The following BLTP3A variants were observed in gnomAD, a reference collection of about 807,000 sequenced individuals.
BLTP3A encodes the protein ICBP90 binding protein 1.
the BLTP3A span, chr6:34,871,769 T>A: frequency 1.2e-6 from 2 of 1,611,992 alleles, no homozygotes; most frequent in Non-Finnish European, 1.7e-6. Context: ...AGGAACTGTT[T>A]GGGAGTTGGC....
the BLTP3A span, among the ~76,000 whole-genome samples, chr6:34,860,618 T>C: frequency 2.0e-3 from 310 of 152,296 alleles, 2 homozygotes; most frequent in African/African-American, 7.1e-3. Context: ...TAAGTACTTA[T>C]AATATTGGTC....
At chr6:34,855,692 T>C in the BLTP3A span, 1 of 1,613,688 alleles carries the variant, frequency 6.2e-7, no homozygotes, top group Non-Finnish European at 8.5e-7. Context: ...TATTACCCTT[T>C]CCATTGGGCA....
the BLTP3A span, chr6:34,859,335 G>C: frequency 6.2e-7 from 1 of 1,613,828 alleles, no homozygotes; most frequent in Non-Finnish European, 8.5e-7. Flanking sequence ...CTGCATTGAA[G>C]CCCCCAGCTG....
At chr6:34,798,594 C>CTTTTGTTTTTTTTTTTTTTTTTTTTTTT in the BLTP3A span, among the ~76,000 whole-genome samples, 1 of 94,500 alleles carries the variant, frequency 1.1e-5, no homozygotes, top group African/African-American at 4.8e-5. Flanking sequence ...TTCTTTCTTT[C>CTTTTGTTTTTTTTTTTTTTTTTTTTTTT]TTTTTTTTTT....
chr6:34,841,479 C>T, the BLTP3A span, among the ~76,000 whole-genome samples: 1 of 152,140 alleles, frequency 6.6e-6, no homozygotes, highest in Non-Finnish European at 1.5e-5. Flanking sequence ...ATTAAAAGTT[C>T]ATTTTCATTT....
chr6:34,800,722 A>G, the BLTP3A span, among the ~76,000 whole-genome samples: 2 of 152,190 alleles, frequency 1.3e-5, no homozygotes, highest in East Asian at 1.9e-4. Context: ...ATAATAATAT[A>G]TCTTAGTAAA....
the BLTP3A span, among the ~76,000 whole-genome samples, chr6:34,831,081 A>C: frequency 6.6e-6 from 1 of 151,714 alleles, no homozygotes; most frequent in Non-Finnish European, 1.5e-5. Context: ...AATGTACTGC[A>C]GATATCTTCT....
At chr6:34,867,188 T>C in the BLTP3A span, 8 of 1,572,364 alleles carry the variant, frequency 5.1e-6, no homozygotes, top group South Asian at 8.3e-5. Context: ...ACAGAATATT[T>C]TGACTTTTAA....
At chr6:34,794,495 G>T in the BLTP3A span, among the ~76,000 whole-genome samples, 1 of 152,074 alleles carries the variant, frequency 6.6e-6, no homozygotes. Context: ...CCTTATCTCC[G>T]GAAAAATTCA....
the BLTP3A span, chr6:34,858,886 G>T: frequency 6.2e-7 from 1 of 1,614,176 alleles, no homozygotes; most frequent in African/African-American, 1.3e-5. Flanking sequence ...CCTGAAGGAG[G>T]TGCTGCAGAG....
At chr6:34,870,812 C>T in the BLTP3A span, 2 of 1,603,426 alleles carry the variant, frequency 1.2e-6, no homozygotes, top group Non-Finnish European at 1.7e-6. Flanking sequence ...AGAAGACTCC[C>T]TGGCCGTTAA....
chr6:34,871,592 C>T, the BLTP3A span: 2 of 1,611,560 alleles, frequency 1.2e-6, no homozygotes, highest in African/African-American at 1.3e-5. Context: ...AGGATGATAT[C>T]CCCCCCATCT....
At chr6:34,864,033 G>C in the BLTP3A span, 2 of 1,612,058 alleles carry the variant, frequency 1.2e-6, no homozygotes. Context: ...TGAGGGGGTG[G>C]CAGCCCCAGT....
chr6:34,798,078 C>G, the BLTP3A span, among the ~76,000 whole-genome samples: 1 of 152,162 alleles, frequency 6.6e-6, no homozygotes, highest in Non-Finnish European at 1.5e-5. Context: ...CAGTCATTAT[C>G]TCCACCAAAG....
chr6:34,793,015 G>A, the BLTP3A span, among the ~76,000 whole-genome samples: 3 of 152,232 alleles, frequency 2.0e-5, no homozygotes, highest in African/African-American at 7.2e-5. Context: ...GGTCATGAGA[G>A]TTGGGGATAA....
the BLTP3A span, among the ~76,000 whole-genome samples, chr6:34,845,818 C>T: frequency 3.4e-4 from 51 of 151,994 alleles, no homozygotes; most frequent in Non-Finnish European, 5.4e-4. Flanking sequence ...AGGATGGTCT[C>T]GATCTCCTGA....
the BLTP3A span, among the ~76,000 whole-genome samples, chr6:34,859,798 C>T: frequency 1.3e-5 from 2 of 152,268 alleles, no homozygotes; most frequent in South Asian, 4.1e-4. Flanking sequence ...CCCCTCAAGA[C>T]AGGCCTTACC....
At chr6:34,857,547 T>C in the BLTP3A span, 18 of 1,551,034 alleles carry the variant, frequency 1.2e-5, no homozygotes, top group African/African-American at 2.2e-4. Context: ...ACTACGTATA[T>C]TTTTATTTGT....
the BLTP3A span, among the ~76,000 whole-genome samples, chr6:34,847,921 C>CTTTCTTTTTTTTTTTTTT: frequency 1.1e-3 from 103 of 91,124 alleles, 10 homozygotes; most frequent in Non-Finnish European, 1.6e-3. Context: ...TCTTTTTTTC[C>CTTTCTTTTTTTTTTTTTT]TTTTTTTTTT....
Sources: gnomAD v4.1 joint callset for allele counts (sites outside exome capture counted in the v4.1 genomes callset) on GRCh38, gnomAD v4.1.1 for gene constraint, MANE v1.5 for transcripts, NCBI Gene and HGNC (gene_info 2026-07-23, HGNC 2026-07-21) for gene names.